LRRC39: variants seen among roughly 807,000 people sequenced by gnomAD.
The protein encoded by LRRC39 is leucine rich repeat containing 39.
A neutral mutation model predicts 39.7 loss-of-function variants in LRRC39; 35 were observed. That is an observed-to-expected ratio of 0.88 (90% CI 0.67 to 1.17). The LOEUF is 1.17. Ranked by LOEUF, LRRC39 falls within the 50% of genes most tolerant of loss-of-function variation. The pLI, the probability that LRRC39 is intolerant of heterozygous loss-of-function variation, is 0.00. For synonymous variants in LRRC39, 113 were observed against 134.1 expected, an observed-to-expected ratio of 0.84 and a Z score of 1.09; for missense variants, 357 against 385.8, an observed-to-expected ratio of 0.93 and a Z score of 0.62.
At chr1:100,164,671 C>T (rs756739909) in intron 3 of LRRC39, among the ~76,000 whole-genome samples, 2 of 151,906 alleles carry the variant, frequency 1.3e-5, no homozygotes, top group Non-Finnish European at 2.9e-5. Flanking sequence ...TACCATTTTG[C>T]GTCAGTTATG....
intron 6 of LRRC39, among the ~76,000 whole-genome samples, chr1:100,156,689 T>C (rs1658466289): frequency 6.6e-6 from 1 of 152,118 alleles, no homozygotes; most frequent in Non-Finnish European, 1.5e-5. Flanking sequence ...TTCCAAATAA[T>C]AGTGGTGGAG....
At chr1:100,159,608 T>A (rs372176646) in intron 4 of LRRC39, among the ~76,000 whole-genome samples, 193 bp from the exon 5 acceptor site, 1 of 112,848 alleles carries the variant, frequency 8.9e-6, no homozygotes, top group African/African-American at 3.3e-5. Flanking sequence ...TTCTTTTCCT[T>A]TTTTTTTTTT....
At chr1:100,166,074 T>C (rs1659225155) in intron 3 of LRRC39, among the ~76,000 whole-genome samples, 1 of 152,088 alleles carries the variant, frequency 6.6e-6, no homozygotes, top group Non-Finnish European at 1.5e-5. Flanking sequence ...TCATTCTCTC[T>C]TTGCTGACTG....
In LRRC39 at chr1:100,159,290, TC is replaced by T; in HGVS notation, c.344del (p.Arg115GlnfsTer20). The T allele has an allele frequency of 6.2e-7, 1 of 1,607,080 alleles. No homozygotes were observed. Among genetic ancestry groups the T allele is most frequent in the Non-Finnish European group, 8.5e-7 (1 of 1,176,924 alleles). On this transcript the variant is annotated frameshift_variant, in exon 5 of 10. Coordinates refer to ENST00000370137, the MANE Select transcript of LRRC39 (RefSeq NM_144620.4). LOFTEE classifies it high-confidence loss of function. Reference protein sequence around the residue: ...FQNLIVLDLSRNTISEIPPGI... With the variant: ...FQNLIVLDLSXNTISEIPPGI... ...CTGGTGGTATCTCTGAAATTGTGTT[TC>T]GAGATAAATCTAACACAATGAGGTT...
intron 2 of LRRC39, among the ~76,000 whole-genome samples, chr1:100,172,891 T>C (rs1167646664): frequency 1.4e-5 from 2 of 146,540 alleles, no homozygotes; most frequent in African/African-American, 2.6e-5. Context: ...ACCTGGGAAG[T>C]AGAGCTTGCA....
At chr1:100,149,133 G>A (rs1214028395) in intron 9 of LRRC39, 36 bp from the exon 10 acceptor site, 19 of 1,568,408 alleles carry the variant, frequency 1.2e-5, no homozygotes, top group South Asian at 3.7e-5. Flanking sequence ...CATAATTAGC[G>A]TATTTCTGTT....
chr1:100,167,782 AATAATAATAAT>A (rs1659346348), intron 3 of LRRC39, among the ~76,000 whole-genome samples: 231 of 9,308 alleles, frequency 0.025, 3 homozygotes, highest in African/African-American at 0.14. Context: ...TTTCAAAAAT[AATAATAATAAT>A]AATAATAATA....
At chr1:100,177,760 T>A (rs575446304) in intron 1 of LRRC39, among the ~76,000 whole-genome samples, 1 of 152,018 alleles carries the variant, frequency 6.6e-6, no homozygotes, top group Non-Finnish European at 1.5e-5. Context: ...CATCCATCAG[T>A]TTTCCTATAA....
chr1:100,161,677 C>T (rs768683182), intron 3 of LRRC39, among the ~76,000 whole-genome samples: 20 of 152,134 alleles, frequency 1.3e-4, no homozygotes, highest in Admixed American at 4.6e-4. Flanking sequence ...GACAAAGTCT[C>T]GCTCTGTCAT....
chr1:100,155,033 G>A lies in LRRC39; in HGVS notation c.812+18C>T. ...AAAGAAAGCAAGGTTTTTCAGTTTT[G>A]TGCCTACAACTTTTTACCTCAGATT... On this transcript the variant is annotated intron_variant, in intron 8 of 9. Coordinates refer to ENST00000370137, the MANE Select transcript of LRRC39 (RefSeq NM_144620.4). The A allele has an allele frequency of 2.0e-6, 3 of 1,527,822 alleles. No individual in the cohort carries two copies. Among genetic ancestry groups the A allele is most frequent in the Non-Finnish European group, 2.6e-6 (3 of 1,141,526 alleles). 94.6% of individuals were successfully genotyped at this position (1,527,822 alleles called of 1,614,324 possible). A position where few individuals can be genotyped will look rare whatever the true frequency, so the allele number is the denominator to read the frequency against.
At chr1:100,149,414 T>C in intron 9 of LRRC39, 1 of 1,544,634 alleles carries the variant, frequency 6.5e-7, no homozygotes, top group Non-Finnish European at 8.7e-7. Flanking sequence ...AATCTGTCCA[T>C]GACAAACACA....
intron 9 of LRRC39, among the ~76,000 whole-genome samples, chr1:100,151,484 A>G (rs909172937): frequency 6.6e-6 from 1 of 152,174 alleles, no homozygotes; most frequent in African/African-American, 2.4e-5. Context: ...AATGTTAGTA[A>G]AAATTATTTC....
intron 8 of LRRC39, among the ~76,000 whole-genome samples, chr1:100,152,931 T>G (rs571383538): frequency 6.6e-6 from 1 of 152,188 alleles, no homozygotes; most frequent in Non-Finnish European, 1.5e-5. Context: ...TTTGCCATAT[T>G]GGCCAGGCTG....
chr1:100,151,954 A>AAAACAAACAAAC (rs369396255), intron 9 of LRRC39, among the ~76,000 whole-genome samples: 3 of 152,034 alleles, frequency 2.0e-5, no homozygotes, highest in African/African-American at 7.3e-5. Context: ...TCATCTCTTT[A>AAAACAAACAAAC]AAACAAACAA....
chr1:100,173,154 C>T (rs946351083), intron 2 of LRRC39, among the ~76,000 whole-genome samples, 177 bp downstream of exon 2: 18 of 151,404 alleles, frequency 1.2e-4, no homozygotes, highest in Middle Eastern at 6.8e-3. Context: ...GCAGGAGAAT[C>T]GCTTGAACCC....
Position 100,148,548 on chromosome 1 carries a change from TA to T in LRRC39, c.*493del. On this transcript the variant is annotated 3_prime_UTR_variant, in exon 10 of 10. Coordinates refer to ENST00000370137, the MANE Select transcript of LRRC39 (RefSeq NM_144620.4). The stretch of plus-strand genomic sequence containing the variant: ...TATGGGTTAGTTAACAGTCTCTCAA[TA>T]AATAGTGACAAAAATAATTTTTTAT... 2 of 1,369,656 alleles carry T rather than the reference TA, an allele frequency of 1.5e-6. No homozygotes were observed. Among genetic ancestry groups the T allele is most frequent in the Admixed American group, 4.3e-5 (2 of 46,310 alleles). The allele number at this position is 1,369,656 out of a possible 1,614,324, so 84.8% of individuals were successfully genotyped here.
upstream of LRRC39, among the ~76,000 whole-genome samples, chr1:100,179,168 C>T (rs1660137341): frequency 6.6e-6 from 1 of 152,112 alleles, no homozygotes; most frequent in South Asian, 2.1e-4. Flanking sequence ...GTCATTTGGA[C>T]ATCTCAGCAA....
intron 8 of LRRC39, among the ~76,000 whole-genome samples, chr1:100,154,386 A>G (rs2101766601): frequency 6.6e-6 from 1 of 152,308 alleles, no homozygotes; most frequent in South Asian, 2.1e-4. Flanking sequence ...TACACTATAA[A>G]CTTGTAACAA....
At chr1:100,172,512 C>A (rs1024856027) in intron 2 of LRRC39, among the ~76,000 whole-genome samples, 5 of 151,152 alleles carry the variant, frequency 3.3e-5, no homozygotes, top group Non-Finnish European at 7.4e-5. Flanking sequence ...CATGGTGAAA[C>A]CCCGTCTCTA....
Sources: gnomAD v4.1 joint callset for allele counts (sites outside exome capture counted in the v4.1 genomes callset) on GRCh38, gnomAD v4.1.1 for gene constraint, MANE v1.5 for transcripts, NCBI Gene and HGNC (gene_info 2026-07-23, HGNC 2026-07-21) for gene names.